Variants in CBLB observed in about 807,000 individuals in gnomAD.
CBLB encodes E3 ubiquitin-protein ligase CBL-B.
In CBLB, 31 loss-of-function variants were observed where a neutral mutation model predicts 104.9. The ratio of observed to expected loss-of-function variants is 0.30; its 90% CI spans 0.22 to 0.40. The LOEUF (loss-of-function observed/expected upper bound fraction) is 0.40. CBLB is among the 10% of genes least tolerant of loss of function. The probability of loss-of-function intolerance (pLI) is 1.00; values close to 1 mark genes in which losing one functional copy is unlikely to be tolerated. For synonymous variants in CBLB, 440 were observed against 422.6 expected (o/e 1.04, Z -0.51); for missense variants, 1,062 against 1,214.6 (o/e 0.87, Z 1.87).
intron 4 of CBLB, among the ~76,000 whole-genome samples, chr3:105,773,164 A>T (rs547412526): frequency 6.6e-6 from 1 of 152,356 alleles, no homozygotes; most frequent in South Asian, 2.1e-4. Flanking sequence ...CAAGCGGATA[A>T]AGAAAACATG....
At chr3:105,775,201 T>G (rs2079312395) in intron 4 of CBLB, among the ~76,000 whole-genome samples, 1 of 152,204 alleles carries the variant, frequency 6.6e-6, no homozygotes. Flanking sequence ...TCTCCTTTAG[T>G]GCCTAAAAAT....
chr3:105,826,655 A>G (rs2086623838), intron 3 of CBLB, among the ~76,000 whole-genome samples: 1 of 152,142 alleles, frequency 6.6e-6, no homozygotes, highest in Non-Finnish European at 1.5e-5. Flanking sequence ...TTACACTGAC[A>G]TCTACAAGGA....
At chr3:105,808,603 T>C (rs1560338275) in intron 3 of CBLB, among the ~76,000 whole-genome samples, 1 of 152,330 alleles carries the variant, frequency 6.6e-6, no homozygotes, top group East Asian at 1.9e-4. Context: ...ATGGTAAACA[T>C]ATAATAACTG....
At chr3:105,808,354 T>C (rs566386518) in intron 3 of CBLB, among the ~76,000 whole-genome samples, 8 of 152,300 alleles carry the variant, frequency 5.3e-5, no homozygotes, top group Middle Eastern at 3.4e-3. Context: ...GTAATATGTG[T>C]TTCTCTAAGG....
intron 3 of CBLB, among the ~76,000 whole-genome samples, chr3:105,823,896 T>C (rs952654763): frequency 1.3e-5 from 2 of 152,140 alleles, no homozygotes; most frequent in African/African-American, 4.8e-5. Flanking sequence ...CTCTTCCTTC[T>C]TAGGCCCTCA....
At chr3:105,776,800 A>G (rs2079534289) in intron 3 of CBLB, among the ~76,000 whole-genome samples, 1 of 152,174 alleles carries the variant, frequency 6.6e-6, no homozygotes, top group South Asian at 2.1e-4. Context: ...AAGATAAATT[A>G]CATAATTTCA....
chr3:105,831,103 T>C (rs1181084706), intron 3 of CBLB, among the ~76,000 whole-genome samples: 2 of 152,120 alleles, frequency 1.3e-5, no homozygotes, highest in Non-Finnish European at 2.9e-5. Flanking sequence ...AACCAGACCA[T>C]ACACATAACC....
intron 3 of CBLB, among the ~76,000 whole-genome samples, chr3:105,834,632 A>G (rs1015480768): frequency 4.0e-5 from 6 of 149,104 alleles, no homozygotes; most frequent in African/African-American, 1.5e-4. Flanking sequence ...CTCCAGCCTG[A>G]GCGACAGAGC....
At chr3:105,692,150 C>CT in intron 13 of CBLB, among the ~76,000 whole-genome samples, 1 of 152,248 alleles carries the variant, frequency 6.6e-6, no homozygotes, top group East Asian at 1.9e-4. Flanking sequence ...AGCTCTAAGA[C>CT]CTTCTATTGT....
At chr3:105,786,062 G>GGGC (rs1553794643) in intron 3 of CBLB, among the ~76,000 whole-genome samples, 5 of 10,164 alleles carry the variant, frequency 4.9e-4, no homozygotes, top group African/African-American at 2.8e-3. Context: ...TGAGAGGATC[G>GGGC]GGGGGGGGAA....
chr3:105,861,706 C>CATAA (rs146939427), intron 2 of CBLB, among the ~76,000 whole-genome samples: 25 of 150,160 alleles, frequency 1.7e-4, no homozygotes, highest in Admixed American at 7.3e-4. Flanking sequence ...CACACACACA[C>CATAA]ATACATACAC....
chr3:105,720,825 T>TC (rs1249900226), intron 9 of CBLB, among the ~76,000 whole-genome samples: 1 of 152,234 alleles, frequency 6.6e-6, no homozygotes, highest in African/African-American at 2.4e-5. Flanking sequence ...TGAAAGCCTG[T>TC]CATCCTGACA....
intron 8 of CBLB, among the ~76,000 whole-genome samples, chr3:105,735,338 G>A (rs977566424): frequency 7.2e-5 from 11 of 152,076 alleles, no homozygotes; most frequent in Non-Finnish European, 1.5e-4. Context: ...TAAAACTAAA[G>A]TAATTCAAAG....
intron 10 of CBLB, among the ~76,000 whole-genome samples, chr3:105,711,624 AC>A (rs1157054686): frequency 3.3e-5 from 5 of 152,260 alleles, no homozygotes; most frequent in African/African-American, 1.2e-4. Context: ...TTAGAGCAAT[AC>A]AATCATTTCC....
chr3:105,798,124 T>C (rs2082436709), intron 3 of CBLB, among the ~76,000 whole-genome samples: 1 of 152,200 alleles, frequency 6.6e-6, no homozygotes, highest in Admixed American at 6.5e-5. Flanking sequence ...CAAAATATTC[T>C]CAGCAAATGG....
chr3:105,702,852 A>T lies in CBLB; in HGVS notation c.1594-393T>A, dbSNP rs148436327. Among the ~76,000 whole-genome samples the T allele has an allele frequency of 2.8e-3, 430 of 152,298 alleles. 3 individuals carry two copies. The highest frequency in any genetic ancestry group is 9.7e-3 in the African/African-American group (405 of 41,576). ...AAGTTGTCATGGTTTCAGTTTTTTT[A>T]AAGAGTAACTTGATTTGTAATATTT... On this transcript the variant is annotated intron_variant, in intron 11 of 18. Transcript: ENST00000394030.
intron 3 of CBLB, among the ~76,000 whole-genome samples, chr3:105,813,805 A>AGT (rs2084642490): frequency 1.3e-5 from 2 of 152,124 alleles, no homozygotes; most frequent in African/African-American, 4.8e-5. Context: ...CAAGAAGCCA[A>AGT]GTGTGGTATT....
At chr3:105,661,058 C>A (rs1468914105) in intron 18 of CBLB, among the ~76,000 whole-genome samples, 7 of 151,518 alleles carry the variant, frequency 4.6e-5, no homozygotes, top group Admixed American at 4.6e-4. Context: ...CCATCTTGGC[C>A]TCCCAAAATG....
At chr3:105,847,428 ACC>A (rs35414836) in intron 3 of CBLB, among the ~76,000 whole-genome samples, 1 of 146,374 alleles carries the variant, frequency 6.8e-6, no homozygotes, top group African/African-American at 2.6e-5. Context: ...ACACACACAC[ACC>A]CCATTTTGTC....
Sources: gnomAD v4.1 joint callset for allele counts (sites outside exome capture counted in the v4.1 genomes callset) on GRCh38, gnomAD v4.1.1 for gene constraint, MANE v1.5 for transcripts, NCBI Gene and HGNC (gene_info 2026-07-23, HGNC 2026-07-21) for gene names.